The following CAPS2 variants were observed in gnomAD, a reference collection of about 807,000 sequenced individuals.
The protein encoded by CAPS2 is calcyphosine 2.
Under a neutral mutation model 86.5 loss-of-function variants are expected in CAPS2, and 98 were observed. That is an observed-to-expected ratio of 1.13 (90% confidence interval 0.96 to 1.34). The LOEUF is 1.34. Among genes scored for constraint, CAPS2 ranks in the 40% most tolerant of loss-of-function variants. The pLI is 0.00. For synonymous variants in CAPS2, 210 were observed against 225.1 expected (o/e 0.93, Z 0.60); for missense variants, 729 against 686.8 (o/e 1.06, Z -0.69).
intron 8 of CAPS2, among the ~76,000 whole-genome samples, chr12:75,302,693 T>C (rs1172220661): frequency 6.6e-6 from 1 of 152,086 alleles, no homozygotes; most frequent in Admixed American, 6.6e-5. Flanking sequence ...GATCCACAAA[T>C]AAATATTAAG....
intron 1 of CAPS2, among the ~76,000 whole-genome samples, chr12:75,358,310 A>C (rs2043288648): frequency 1.3e-5 from 2 of 151,920 alleles, no homozygotes; most frequent in South Asian, 4.1e-4. Context: ...TCACAAACAT[A>C]GGTACAAAAA....
chr12:75,380,761 T>C (rs894119150), intron 1 of CAPS2, among the ~76,000 whole-genome samples: 1 of 152,180 alleles, frequency 6.6e-6, no homozygotes, highest in Admixed American at 6.5e-5. Flanking sequence ...ATGAGGTAGA[T>C]GCTATTAATT....
intron 1 of CAPS2, among the ~76,000 whole-genome samples, chr12:75,350,094 C>CCACAG (rs1464427269): frequency 6.6e-6 from 1 of 152,202 alleles, no homozygotes; most frequent in African/African-American, 2.4e-5. Context: ...GAGAAATTCC[C>CCACAG]CACAGCACAG....
intron 1 of CAPS2, among the ~76,000 whole-genome samples, chr12:75,352,572 C>T (rs912903073): frequency 6.6e-6 from 1 of 152,176 alleles, no homozygotes; most frequent in African/African-American, 2.4e-5. Flanking sequence ...TAACACCCCA[C>T]TGTCAATATT....
chr12:75,367,090 A>C, intron 1 of CAPS2: 1 of 694,636 alleles, frequency 1.4e-6, no homozygotes, highest in Non-Finnish European at 2.6e-6. Flanking sequence ...ACTGAGATTA[A>C]TTTGGGGAGA....
chr12:75,333,938 A>G (rs1290072213), upstream of CAPS2: 1 of 152,222 alleles, frequency 6.6e-6, no homozygotes, highest in Non-Finnish European at 1.5e-5. Flanking sequence ...GTTGATTTAT[A>G]TTGCATTGCA....
chr12:75,360,774 CCA>C (rs1033710849), intron 1 of CAPS2: 1 of 152,142 alleles, frequency 6.6e-6, no homozygotes, highest in Non-Finnish European at 1.5e-5. Context: ...GTCTCCAACC[CCA>C]CCTTTTCTTT....
intron 7 of CAPS2, chr12:75,306,288 A>T: frequency 1.7e-6 from 1 of 600,796 alleles, no homozygotes. Context: ...CTGGGAAGCT[A>T]TGGAGGAGGC....
At chr12:75,322,829 A>T in intron 4 of CAPS2, 1 of 571,010 alleles carries the variant, frequency 1.8e-6, no homozygotes. Flanking sequence ...GTGCGACAAA[A>T]TGTAAAACAA....
chr12:75,314,302 T>C (rs2039531393), intron 6 of CAPS2, among the ~76,000 whole-genome samples: 1 of 152,200 alleles, frequency 6.6e-6, no homozygotes, highest in African/African-American at 2.4e-5. Context: ...AATAACACTC[T>C]TATTTAGCCT....
At chr12:75,376,668 C>A (rs750087942) in intron 1 of CAPS2, among the ~76,000 whole-genome samples, 1 of 152,190 alleles carries the variant, frequency 6.6e-6, no homozygotes, top group South Asian at 2.1e-4. Flanking sequence ...CCAGCCTCAT[C>A]CCTCATCAGG....
chr12:75,388,703 A>G (rs929200330), intron 1 of CAPS2, among the ~76,000 whole-genome samples: 3 of 152,210 alleles, frequency 2.0e-5, no homozygotes, highest in Non-Finnish European at 4.4e-5. Context: ...ATATGGTACT[A>G]AATGCTGGAA....
chr12:75,366,539 C>T (rs1026800846), intron 1 of CAPS2, among the ~76,000 whole-genome samples: 40 of 152,076 alleles, frequency 2.6e-4, no homozygotes, highest in African/African-American at 9.2e-4. Flanking sequence ...TGCCCTCAAA[C>T]TTTTTCATTT....
At chr12:75,376,213 C>T (rs370715589) in intron 1 of CAPS2, among the ~76,000 whole-genome samples, 155 of 152,232 alleles carry the variant, frequency 1.0e-3, no homozygotes, top group South Asian at 3.5e-3. Context: ...TTTTTAACTC[C>T]CCAAGCTGCA....
chr12:75,334,117 T>C (rs892102622), upstream of CAPS2: 1 of 152,230 alleles, frequency 6.6e-6, no homozygotes, highest in Non-Finnish European at 1.5e-5. Context: ...CATCTATTGT[T>C]ATCTATCTAA....
intron 12 of CAPS2, 62 bp from the exon 13 acceptor site, chr12:75,291,882 T>C (rs1258558513): frequency 2.4e-5 from 17 of 719,366 alleles, no homozygotes; most frequent in Non-Finnish European, 3.3e-5. Flanking sequence ...ATCTTGAGTA[T>C]AAAACCTCTA....
intron 11 of CAPS2, among the ~76,000 whole-genome samples, chr12:75,293,617 T>A (rs1489988757): frequency 6.6e-6 from 1 of 152,110 alleles, no homozygotes; most frequent in East Asian, 1.9e-4. Flanking sequence ...ATAAACTCAG[T>A]TTGTTTAATG....
At chr12:75,296,195 T>A (rs1253974618) in intron 11 of CAPS2, among the ~76,000 whole-genome samples, 1 of 110,586 alleles carries the variant, frequency 9.0e-6, no homozygotes, top group Non-Finnish European at 2.0e-5. Context: ...GAATATGTGA[T>A]CTGTGTAACA....
chr12:75,306,201 G>A, intron 7 of CAPS2: 2 of 739,374 alleles, frequency 2.7e-6, no homozygotes, highest in South Asian at 3.3e-5. Flanking sequence ...ACGTGGAGCA[G>A]CTGGTGTTCC....
Sources: allele counts gnomAD v4.1 joint callset (sites outside exome capture counted in the v4.1 genomes callset), GRCh38; gene constraint gnomAD v4.1.1; transcripts MANE v1.5; gene names NCBI Gene and HGNC (gene_info 2026-07-23, HGNC 2026-07-21).